DGKD: variants seen among roughly 807,000 people sequenced by gnomAD.
DGKD encodes DAG kinase delta.
In DGKD, 68 loss-of-function variants were observed where a neutral mutation model predicts 154.4. The ratio of observed to expected loss-of-function variants is 0.44; its 90% confidence interval spans 0.36 to 0.54. DGKD has a LOEUF of 0.54. Ranked by LOEUF, DGKD falls within the 20% of genes least tolerant of loss-of-function variation. The pLI is 0.00. For missense variants in DGKD, 1,343 were observed against 1,593.6 expected (o/e 0.84, Z 2.68); for synonymous variants, 693 against 638.0 (o/e 1.09, Z -1.30).
At chr2:233,401,954 A>T (rs1036446053) in intron 3 of DGKD, among the ~76,000 whole-genome samples, 6 of 137,364 alleles carry the variant, frequency 4.4e-5, no homozygotes, top group South Asian at 2.4e-4. Flanking sequence ...AAAAGCAAGC[A>T]CTATAAACCA....
intron 3 of DGKD, among the ~76,000 whole-genome samples, chr2:233,426,389 C>T (rs1170136623): frequency 6.6e-6 from 1 of 152,170 alleles, no homozygotes; most frequent in Non-Finnish European, 1.5e-5. Context: ...GGAGTGTACT[C>T]ATTACAGACG....
chr2:233,438,399 T>C lies in DGKD; in HGVS notation c.1085+20T>C, dbSNP rs1258744869. On this transcript the variant is annotated intron_variant, in intron 9 of 29. Coordinates refer to ENST00000264057, the MANE Select transcript of DGKD (RefSeq NM_152879.3). The surrounding 1 kb of genome is among the most constrained non-coding windows in gnomAD (Gnocchi z 4.1). ...CCTCGGGTAGGAAGCTTGTAAAATA[T>C]ATCTTTCTTGGAGTTTTAAAAATTG... 6.3e-7 allele frequency: 1 copy of C among 1,594,916 alleles called. No individual in the cohort carries two copies. The highest frequency in any genetic ancestry group is 1.1e-5 in the South Asian group (1 of 88,734).
intron 1 of DGKD, among the ~76,000 whole-genome samples, chr2:233,360,404 T>C (rs1175085899): frequency 2.6e-5 from 4 of 152,020 alleles, no homozygotes; most frequent in Admixed American, 1.3e-4. Flanking sequence ...ATGCATTCCA[T>C]GATGCCTGGC....
At chr2:233,461,909 C>T (rs947370054) in intron 24 of DGKD, among the ~76,000 whole-genome samples, 1 of 152,230 alleles carries the variant, frequency 6.6e-6, no homozygotes, top group African/African-American at 2.4e-5. Flanking sequence ...GGCTCAGAGC[C>T]CATCACTGCA....
intron 3 of DGKD, among the ~76,000 whole-genome samples, chr2:233,391,641 G>A (rs954561248): frequency 8.5e-5 from 13 of 152,158 alleles, no homozygotes; most frequent in Non-Finnish European, 1.8e-4. Flanking sequence ...CAAAAAGTGT[G>A]TACCCTAATT....
intron 12 of DGKD, 84 bp from the exon 13 acceptor site, chr2:233,448,003 G>C: frequency 6.3e-7 from 1 of 1,592,160 alleles, no homozygotes; most frequent in Non-Finnish European, 8.5e-7. Flanking sequence ...TGCTGGCAAG[G>C]AAGTGGCTGA....
At chr2:233,417,100 A>T (rs1342698293) in intron 3 of DGKD, among the ~76,000 whole-genome samples, 1 of 152,080 alleles carries the variant, frequency 6.6e-6, no homozygotes. Flanking sequence ...TTGTGCGATC[A>T]CAGCTCATTG....
intron 1 of DGKD, among the ~76,000 whole-genome samples, chr2:233,363,314 A>T (rs1701870479): frequency 6.6e-6 from 1 of 152,198 alleles, no homozygotes; most frequent in African/African-American, 2.4e-5. Flanking sequence ...CTTAGTTTTT[A>T]ACAAAAATAT....
At chr2:233,397,544 G>A (rs1274909660) in intron 3 of DGKD, among the ~76,000 whole-genome samples, 13 of 121,406 alleles carry the variant, frequency 1.1e-4, no homozygotes, top group Non-Finnish European at 1.9e-4. Context: ...CTGGGGGGGG[G>A]GGGCAGAGTG....
Position 233,354,575 on chromosome 2 carries a change from G to A in DGKD, c.57G>A (p.Pro19=). 1.9e-6 allele frequency: 2 copies of A among 1,078,986 alleles called. No homozygotes were observed. Among genetic ancestry groups the A allele is most frequent in the Middle Eastern group, 4.2e-4 (1 of 2,384 alleles). The allele number at this position is 1,078,986 out of a possible 1,614,324, so 66.8% of individuals were successfully genotyped here. ...PPGPPQPPPP[P]PPEESSDSEP... is the part of the protein sequence containing the mutation. ...GTCCCCCGCAACCGCCTCCGCCGCCGCCGCCCGAGGAGTCGTCCGACAGCG... is the reference window on the plus strand; with the variant it reads ...GTCCCCCGCAACCGCCTCCGCCGCCACCGCCCGAGGAGTCGTCCGACAGCG... The change falls in exon 1 of 30, where the codon CCG becomes CCA. Residue 19 remains proline, a synonymous_variant. Transcript: ENST00000264057. This position sits in a 1 kb window ranked among gnomAD's most constrained non-coding sequence, Gnocchi z 4.8.
Position 233,458,223 on chromosome 2 carries a change from A to G in DGKD, c.2581-61A>G, listed in dbSNP as rs1284810108. 9.0e-7 allele frequency: 1 copy of G among 1,115,190 alleles called. No individual in the cohort carries two copies. Among genetic ancestry groups the G allele is most frequent in the East Asian group, 2.4e-5 (1 of 41,172 alleles). The allele number at this position is 1,115,190 out of a possible 1,614,324, so 69.1% of individuals were successfully genotyped here. On this transcript the variant is annotated intron_variant, in intron 21 of 29. Transcript: ENST00000264057. This position sits in a 1 kb window ranked among gnomAD's most constrained non-coding sequence, Gnocchi z 6.6. Reference sequence around the variant, plus strand: ...ACCCCCAGAGGGAGGGAGTGAGGGTAGGGGCGGCCTGTGCTCGGGGATGTG... The same window carrying G: ...ACCCCCAGAGGGAGGGAGTGAGGGTGGGGGCGGCCTGTGCTCGGGGATGTG...
At chr2:233,413,287 A>G (rs537695934) in intron 3 of DGKD, among the ~76,000 whole-genome samples, 6 of 152,254 alleles carry the variant, frequency 3.9e-5, no homozygotes, top group Admixed American at 1.3e-4. Flanking sequence ...CTGTTTTCTG[A>G]TAAAGTTTGT....
intron 3 of DGKD, among the ~76,000 whole-genome samples, chr2:233,418,317 G>C (rs2062013545): frequency 6.6e-6 from 1 of 152,194 alleles, no homozygotes; most frequent in African/African-American, 2.4e-5. Flanking sequence ...TACATCTGGG[G>C]TGCCTTTCAT....
Position 233,354,520 on chromosome 2 carries a change from T to TGGCGGCGGCGGCGGGCGCCCC in DGKD, c.3_23dup (p.Ala2_Pro8dup). ...CGGTGCGCGCGCTGGCCCGGCAGCA[T>TGGCGGCGGCGGCGGGCGCCCC]GGCGGCGGCGGCGGGCGCCCCTCCG... On this transcript the variant is annotated inframe_insertion, in exon 1 of 30. Transcript: ENST00000264057. The surrounding 1 kb of genome is among the most constrained non-coding windows in gnomAD (Gnocchi z 4.8). The TGGCGGCGGCGGCGGGCGCCCC allele has an allele frequency of 7.1e-6, 7 of 982,842 alleles. No individual in the cohort carries two copies. The highest frequency in any genetic ancestry group is 4.4e-5 in the South Asian group (1 of 22,934). 60.9% of individuals were successfully genotyped at this position (982,842 alleles called of 1,614,324 possible).
chr2:233,438,705 T>C lies in DGKD; in HGVS notation c.1085+326T>C, dbSNP rs2062781216. Among the ~76,000 whole-genome samples, 1 of 151,580 alleles carries C rather than the reference T, an allele frequency of 6.6e-6. No individual in the cohort carries two copies. ...CTGTATGTGTCTGCATACAACGTTG[T>C]GGGTGTATTTTCTTTCATTTTATAA... On this transcript the variant is annotated intron_variant, in intron 9 of 29. Transcript: ENST00000264057. The surrounding 1 kb of genome is among the most constrained non-coding windows in gnomAD (Gnocchi z 4.1).
rs1328491960 is a variant in DGKD at position 233,458,229 on chromosome 2, G to A, written c.2581-55G>A. On this transcript the variant is annotated intron_variant, in intron 21 of 29. Transcript: ENST00000264057. The surrounding 1 kb of genome is among the most constrained non-coding windows in gnomAD (Gnocchi z 6.6). The stretch of plus-strand genomic sequence containing the variant: ...AGAGGGAGGGAGTGAGGGTAGGGGC[G>A]GCCTGTGCTCGGGGATGTGTGGAGT... 1.6e-5 allele frequency: 19 copies of A among 1,218,062 alleles called. No individual in the cohort carries two copies. Among genetic ancestry groups the A allele is most frequent in the African/African-American group, 8.9e-5 (6 of 67,458 alleles). 75.5% of individuals were successfully genotyped at this position (1,218,062 alleles called of 1,614,324 possible).
intron 1 of DGKD, among the ~76,000 whole-genome samples, chr2:233,378,183 G>A (rs561363881): frequency 6.6e-6 from 1 of 151,916 alleles, no homozygotes; most frequent in South Asian, 2.1e-4. Context: ...GGAGGCCAAG[G>A]CGGGTGGATT....
intron 26 of DGKD, chr2:233,463,719 A>G (rs1382071789): frequency 1.0e-5 from 2 of 199,496 alleles, no homozygotes; most frequent in African/African-American, 2.4e-5. Context: ...CTCCACAGAA[A>G]TCCTCACTCT....
intron 3 of DGKD, among the ~76,000 whole-genome samples, chr2:233,417,247 G>T (rs970289680): frequency 6.6e-6 from 1 of 152,102 alleles, no homozygotes; most frequent in African/African-American, 2.4e-5. Flanking sequence ...TGGCCAGACT[G>T]GTCTTGAACT....
Sources: allele counts gnomAD v4.1 joint callset (sites outside exome capture counted in the v4.1 genomes callset), GRCh38; gene constraint gnomAD v4.1.1; non-coding constraint Gnocchi (gnomAD v3.1); transcripts MANE v1.5; gene names NCBI Gene and HGNC (gene_info 2026-07-23, HGNC 2026-07-21).